PCDHGB2: variants seen among roughly 807,000 people sequenced by gnomAD.
PCDHGB2 encodes the protein protocadherin gamma subfamily B, 2.
A neutral mutation model predicts 59.3 loss-of-function variants in PCDHGB2; 55 were observed. The observed-to-expected ratio is 0.93, with a 90% CI of 0.75 to 1.16. PCDHGB2 has a LOEUF of 1.16. Ranked by LOEUF, PCDHGB2 falls within the 50% of genes most tolerant of loss-of-function variation. The probability of loss-of-function intolerance (pLI) is 0.00; values close to 1 mark genes in which losing one functional copy is unlikely to be tolerated. For synonymous variants in PCDHGB2, 516 were observed against 512.0 expected (o/e 1.01, Z -0.11); for missense variants, 1,228 against 1,198.5 (o/e 1.02, Z -0.36).
chr5:141,448,179 G>C (rs763996329), intron 1 of PCDHGB2, among the ~76,000 whole-genome samples: 1 of 151,982 alleles, frequency 6.6e-6, no homozygotes, highest in Non-Finnish European at 1.5e-5. Context: ...ATTCATCCCT[G>C]GTTATGTACA....
chr5:141,377,799 T>C (rs1774359449), intron 1 of PCDHGB2: 1 of 152,206 alleles, frequency 6.6e-6, no homozygotes, highest in African/African-American at 2.4e-5. Flanking sequence ...TTCCTGTAAC[T>C]ATCTGTTATT....
chr5:141,419,240 G>T, intron 1 of PCDHGB2: 1 of 1,613,980 alleles, frequency 6.2e-7, no homozygotes. Flanking sequence ...CCTGGTCCAC[G>T]TGCCAGAAAA....
Position 141,489,980 on chromosome 5 carries a change from T to G in PCDHGB2, c.2422-4827T>G, listed in dbSNP as rs2099694325. 1.2e-6 allele frequency: 2 copies of G among 1,614,204 alleles called. No individual in the cohort carries two copies. The highest frequency in any genetic ancestry group is 1.7e-6 in the Non-Finnish European group (2 of 1,180,012). On this transcript the variant is annotated intron_variant, in intron 1 of 3. Transcript: ENST00000522605. This position sits in a 1 kb window ranked among gnomAD's most constrained non-coding sequence, Gnocchi z 4.5. ...GCTCCAACCTTCCAATCCTCAGTTC[T>G]ACGTGTGGGAATCCCAGAGAATGCA...
At chr5:141,370,435 G>A (rs748496364) in intron 1 of PCDHGB2, 30 of 1,603,488 alleles carry the variant, frequency 1.9e-5, no homozygotes, top group Middle Eastern at 1.7e-4. Context: ...GCAGGGCAGA[G>A]GCGAATGCTA....
rs748395200 is a variant in PCDHGB2, at chr5:141,374,991, CT to C, written c.2421+12437del. On this transcript the variant is annotated intron_variant, in intron 1 of 3. Transcript: ENST00000522605. Reference sequence around the variant, plus strand: ...AATGTTTTGACTGGAGAAATTTCAACTTCTGCAAATCTAGACTATGAGGACT... The same window carrying C: ...AATGTTTTGACTGGAGAAATTTCAACTCTGCAAATCTAGACTATGAGGACT... The C allele has an allele frequency of 5.6e-6, 9 of 1,613,918 alleles. No individual in the cohort carries two copies. In the East Asian group the frequency reaches 2.0e-4, roughly 36 times the overall value.
At chr5:141,375,970 G>C in intron 1 of PCDHGB2, 2 of 1,613,334 alleles carry the variant, frequency 1.2e-6, no homozygotes, top group Non-Finnish European at 1.7e-6. Flanking sequence ...TGCGCACGGC[G>C]CGCGCCCTGC....
Position 141,486,824 on chromosome 5 carries a change from G to A in PCDHGB2, c.2422-7983G>A, listed in dbSNP as rs749609525. On this transcript the variant is annotated intron_variant, in intron 1 of 3. Coordinates refer to ENST00000522605, the MANE Select transcript of PCDHGB2 (RefSeq NM_018923.3). The surrounding 1 kb of genome is among the most constrained non-coding windows in gnomAD (Gnocchi z 5.0). ...CCCACCCCTTAGCAGCACTGTAACA[G>A]TTCGTCTATTTGTGCTGGACCTCAA... is the stretch of plus-strand genomic sequence containing the variant. 1 of 1,614,218 alleles carries A rather than the reference G, an allele frequency of 6.2e-7. No homozygotes were observed. Among genetic ancestry groups the A allele is most frequent in the Non-Finnish European group, 8.5e-7 (1 of 1,180,028 alleles).
intron 1 of PCDHGB2, chr5:141,415,216 A>C: frequency 6.2e-7 from 1 of 1,614,086 alleles, no homozygotes; most frequent in African/African-American, 1.3e-5. Flanking sequence ...GGACCTCGGC[A>C]GCTTCGAGTC....
chr5:141,459,260 T>G (rs551625614), intron 1 of PCDHGB2, among the ~76,000 whole-genome samples: 1 of 152,344 alleles, frequency 6.6e-6, no homozygotes, highest in South Asian at 2.1e-4. Flanking sequence ...TAAATTAGTG[T>G]TGCCTCTTTC....
rs751302023 is a variant in PCDHGB2 at position 141,364,590 on chromosome 5, C to A, written c.2421+2034C>A. 3.1e-6 allele frequency: 5 copies of A among 1,614,196 alleles called. No homozygotes were observed. The South Asian group carries it at 3.3e-5, about 11-fold the overall frequency. ...CCGCGAAGCGGCAGCTTGGTCACCG[C>A]GGGCAGGATAGACCGGGAGGAGCTC... On this transcript the variant is annotated intron_variant, in intron 1 of 3. Coordinates refer to ENST00000522605, the MANE Select transcript of PCDHGB2 (RefSeq NM_018923.3).
intron 1 of PCDHGB2, chr5:141,399,769 G>A (rs369379702): frequency 2.6e-5 from 42 of 1,613,216 alleles, no homozygotes; most frequent in Non-Finnish European, 3.5e-5. Flanking sequence ...GCGCGTGTTG[G>A]TGGGCGACCG....
intron 1 of PCDHGB2, among the ~76,000 whole-genome samples, chr5:141,465,788 T>A (rs1322471400): frequency 6.6e-6 from 1 of 152,110 alleles, no homozygotes; most frequent in Non-Finnish European, 1.5e-5. Context: ...AGTTTTTTTT[T>A]TTTTAAGAAA....
intron 1 of PCDHGB2, among the ~76,000 whole-genome samples, chr5:141,466,748 G>A (rs562859284): frequency 6.6e-6 from 1 of 152,238 alleles, no homozygotes; most frequent in South Asian, 2.1e-4. Context: ...TACTCTGATA[G>A]GGGCTCTTTT....
At chr5:141,372,042 G>C in intron 1 of PCDHGB2, 1 of 1,613,478 alleles carries the variant, frequency 6.2e-7, no homozygotes, top group South Asian at 1.1e-5. Context: ...GAGCCTGCGC[G>C]TGTTGGTGGA....
At chr5:141,389,671 C>T in intron 1 of PCDHGB2, 1 of 1,612,458 alleles carries the variant, frequency 6.2e-7, no homozygotes, top group Non-Finnish European at 8.5e-7. Flanking sequence ...GACGCAGACT[C>T]AGGACACAAC....
At chr5:141,387,499 T>A (rs57697403) in intron 1 of PCDHGB2, among the ~76,000 whole-genome samples, 12,383 of 152,290 alleles carry the variant, frequency 0.081, 653 homozygotes, top group African/African-American at 0.15. Context: ...TAAGAGTACA[T>A]TTTTAGACGT....
At chr5:141,462,302 A>C (rs2099036796) in intron 1 of PCDHGB2, among the ~76,000 whole-genome samples, 1 of 152,222 alleles carries the variant, frequency 6.6e-6, no homozygotes, top group African/African-American at 2.4e-5. Context: ...GTATTACCCA[A>C]ATATATTTGT....
At chr5:141,427,120 TC>T (rs1212765591) in intron 1 of PCDHGB2, 1 of 457,342 alleles carries the variant, frequency 2.2e-6, no homozygotes, top group African/African-American at 2.0e-5. Context: ...ACCTACTCTT[TC>T]AAATCCCTAC....
chr5:141,478,882 A>G, intron 1 of PCDHGB2: 1 of 1,200,164 alleles, frequency 8.3e-7, no homozygotes. Context: ...TTAGCTTGGT[A>G]TCATTTACAT....
Sources: allele counts gnomAD v4.1 joint callset (sites outside exome capture counted in the v4.1 genomes callset), GRCh38; gene constraint gnomAD v4.1.1; non-coding constraint Gnocchi (gnomAD v3.1); transcripts MANE v1.5; gene names NCBI Gene and HGNC (gene_info 2026-07-23, HGNC 2026-07-21).